CSMD1: variants seen among roughly 807,000 people sequenced by gnomAD.
CSMD1 encodes CUB and sushi domain-containing protein 1.
A neutral mutation model predicts 417.5 loss-of-function variants in CSMD1; 213 were observed. The ratio of observed to expected loss-of-function variants is 0.51; its 90% confidence interval spans 0.46 to 0.57. CSMD1 has a LOEUF of 0.57. Among genes scored for constraint, CSMD1 ranks in the 20% least tolerant of loss-of-function variants. CSMD1 has a pLI of 0.00. For synonymous variants in CSMD1, 2,862 were observed against 1,736.8 expected (o/e 1.65, Z -16.11); for missense variants, 6,923 against 4,529.7 (o/e 1.53, Z -15.17).
At chr8:2,955,803 T>C in intron 63 of CSMD1, 35 bp from the exon 64 acceptor site, 2 of 1,596,576 alleles carry the variant, frequency 1.3e-6, no homozygotes, top group South Asian at 1.1e-5. Context: ...AGACTTTGTT[T>C]ATTGTAAAGT....
At chr8:3,812,825 G>C (rs1801158245) in intron 5 of CSMD1, among the ~76,000 whole-genome samples, 1 of 152,150 alleles carries the variant, frequency 6.6e-6, no homozygotes, top group South Asian at 2.1e-4. Context: ...GTTGCTAGGA[G>C]TTTTGAAACA....
chr8:4,348,768 T>G (rs907226265), intron 3 of CSMD1, among the ~76,000 whole-genome samples: 4 of 152,172 alleles, frequency 2.6e-5, no homozygotes, highest in African/African-American at 9.7e-5. Flanking sequence ...GAAAATAAAC[T>G]ACGAATGTGA....
At chr8:4,583,114 A>G (rs1203355408) in intron 2 of CSMD1, among the ~76,000 whole-genome samples, 1 of 151,832 alleles carries the variant, frequency 6.6e-6, no homozygotes, top group Non-Finnish European at 1.5e-5. Context: ...CCTCCCACCC[A>G]CTCCATGGGC....
At chr8:3,013,489 G>A (rs1418982125) in intron 52 of CSMD1, among the ~76,000 whole-genome samples, 4 of 152,158 alleles carry the variant, frequency 2.6e-5, no homozygotes, top group Non-Finnish European at 4.4e-5. Context: ...GGTGCCTCAC[G>A]CCTGTAATCC....
At chr8:2,980,380 C>G (rs906261311) in intron 54 of CSMD1, among the ~76,000 whole-genome samples, 4 of 151,866 alleles carry the variant, frequency 2.6e-5, no homozygotes, top group African/African-American at 9.7e-5. Context: ...TCTTCCTCCT[C>G]CTCTTCCTTC....
At chr8:4,780,341 C>G (rs761793797) in intron 1 of CSMD1, among the ~76,000 whole-genome samples, 18 of 152,170 alleles carry the variant, frequency 1.2e-4, no homozygotes, top group Non-Finnish European at 2.6e-4. Context: ...TAATCTAGAA[C>G]TAATTAGGAC....
At chr8:4,424,927 G>T (rs1375461124) in intron 2 of CSMD1, among the ~76,000 whole-genome samples, 1 of 151,908 alleles carries the variant, frequency 6.6e-6, no homozygotes. Context: ...AAATACATTG[G>T]AAAGGTTGAG....
At chr8:4,343,899 C>G (rs1430935416) in intron 3 of CSMD1, among the ~76,000 whole-genome samples, 4 of 152,064 alleles carry the variant, frequency 2.6e-5, no homozygotes, top group African/African-American at 7.2e-5. Context: ...ATTTTTAAGG[C>G]TTATTTACTT....
Position 3,344,950 on chromosome 8 carries a change from C to T in CSMD1, c.3475-1500G>A, listed in dbSNP as rs556292618. Among the ~76,000 whole-genome samples the T allele has an allele frequency of 1.4e-4, 21 of 152,226 alleles. No individual in the cohort carries two copies. In the South Asian group the frequency reaches 4.4e-3, roughly 32 times the overall value. On this transcript the variant is annotated intron_variant, in intron 22 of 69. Transcript: ENST00000635120. Reference sequence around the variant, plus strand: ...TGTAAAAACCATTATTTGGTTTATTCCATGTTTTTATTAGACGAGCCGGGG... The same window carrying T: ...TGTAAAAACCATTATTTGGTTTATTTCATGTTTTTATTAGACGAGCCGGGG...
At chr8:3,588,971 T>G (rs1210852454) in intron 8 of CSMD1, among the ~76,000 whole-genome samples, 1 of 152,046 alleles carries the variant, frequency 6.6e-6, no homozygotes, top group South Asian at 2.1e-4. Context: ...AACAGGTATA[T>G]GGAAAGGTGC....
At position 4,267,058 on chromosome 8, in the gene CSMD1, G is replaced by C. The variant is rs1410299321; in HGVS notation, c.415+152895C>G. Among the ~76,000 whole-genome samples the C allele has an allele frequency of 1.9e-5, 2 of 103,684 alleles. 1 individual carries two copies. The highest frequency in any genetic ancestry group is 5.2e-5 in the Non-Finnish European group (2 of 38,550). 68.0% of individuals were successfully genotyped at this position (103,684 alleles called of 152,430 possible). A position where few individuals can be genotyped will look rare whatever the true frequency, so the allele number is the denominator to read the frequency against. On this transcript the variant is annotated intron_variant, in intron 3 of 69. Transcript: ENST00000635120. ...TGTAACAGAAACCATTCCTGTTAAAGAGACAAGAATAGAGTGTCTGTTTAC... is the reference window on the plus strand; with the variant it reads ...TGTAACAGAAACCATTCCTGTTAAACAGACAAGAATAGAGTGTCTGTTTAC...
chr8:3,102,592 T>C lies in CSMD1; in HGVS notation c.6949+3936A>G, dbSNP rs1815835859. On this transcript the variant is annotated intron_variant, in intron 46 of 69. Transcript: ENST00000635120. ...ATGGGGACAGGCTGGGAGAAATGCA[T>C]CTTTAGGGGATCATGTCATCATGCA... 2.6e-5 allele frequency among the ~76,000 whole-genome samples: 4 copies of C among 152,188 alleles called. No individual in the cohort carries two copies. In the South Asian group the frequency reaches 8.3e-4, roughly 31 times the overall value.
At chr8:3,668,145 A>C (rs2624095) in intron 7 of CSMD1, among the ~76,000 whole-genome samples, 19,610 of 152,124 alleles carry the variant, frequency 0.13, 1,402 homozygotes, top group African/African-American at 0.19. Flanking sequence ...ACAGATAACG[A>C]ATCTACAGGG....
Position 3,106,557 on chromosome 8 carries a change from T to C in CSMD1, c.6920A>G (p.Gln2307Arg). ...ILTCKLSSQL[Q>R]FEGSLPTCEA... ...ACATGTTGGGAGAGAACCCTCAAAC[T>C]GCAACTGGGAACTGAGCTTGCAAGT... is the stretch of plus-strand genomic sequence containing the variant. The change falls in exon 46 of 70, where the codon CAG becomes CGG. Residue 2307 changes from glutamine (Q) to arginine (R), a missense_variant. Gln to Arg is a conservative substitution (Grantham distance 43, BLOSUM62 1). Transcript: ENST00000635120. The C allele has an allele frequency of 6.2e-7, 1 of 1,613,810 alleles. No homozygotes were observed. The highest frequency in any genetic ancestry group is 8.5e-7 in the Non-Finnish European group (1 of 1,179,750).
intron 2 of CSMD1, among the ~76,000 whole-genome samples, chr8:4,566,530 G>A (rs539023970): frequency 6.0e-4 from 91 of 151,810 alleles, no homozygotes; most frequent in African/African-American, 2.1e-3. Context: ...GCGGGCGCCT[G>A]CAGTCCCACC....
intron 41 of CSMD1, among the ~76,000 whole-genome samples, chr8:3,141,009 T>C (rs1251075807): frequency 6.6e-6 from 1 of 152,194 alleles, no homozygotes; most frequent in Non-Finnish European, 1.5e-5. Context: ...CATACATACC[T>C]GAGAGACCTA....
chr8:4,594,498 C>T (rs77912221), intron 2 of CSMD1, among the ~76,000 whole-genome samples: 34,422 of 151,916 alleles, frequency 0.23, 5,818 homozygotes, highest in African/African-American at 0.48. Flanking sequence ...CCACACCCAC[C>T]CTGAAATGAT....
At chr8:4,353,657 C>G (rs1235932049) in intron 3 of CSMD1, among the ~76,000 whole-genome samples, 1 of 152,124 alleles carries the variant, frequency 6.6e-6, no homozygotes, top group Non-Finnish European at 1.5e-5. Flanking sequence ...CCTTCTCAAT[C>G]TGCCTTTACT....
intron 5 of CSMD1, among the ~76,000 whole-genome samples, chr8:3,816,390 T>C (rs1801367052): frequency 6.6e-6 from 1 of 152,194 alleles, no homozygotes; most frequent in Non-Finnish European, 1.5e-5. Flanking sequence ...GAGAGCAAGA[T>C]GGAGAAGCAG....
Sources: allele counts gnomAD v4.1 joint callset (sites outside exome capture counted in the v4.1 genomes callset), GRCh38; gene constraint gnomAD v4.1.1; transcripts MANE v1.5; gene names NCBI Gene and HGNC (gene_info 2026-07-23, HGNC 2026-07-21).